Variants in UMAD1 observed in about 807,000 individuals in gnomAD.
UMAD1 encodes UBAP1-MVB12-associated (UMA)-domain containing protein 1.
A neutral mutation model predicts 6.1 loss-of-function variants in UMAD1; 8 were observed. The observed-to-expected ratio is 1.30, with a 90% CI of 0.76 to 2.35. UMAD1 has a LOEUF of 2.35. Among genes scored for constraint, UMAD1 ranks in the 30% most tolerant of loss-of-function variants. The pLI, the probability that UMAD1 is intolerant of heterozygous loss-of-function variation, is 0.00. For synonymous variants in UMAD1, 56 were observed against 31.4 expected (o/e 1.78, Z -2.61); for missense variants, 130 against 78.4 (o/e 1.66, Z -2.49).
At chr7:7,754,276 C>T (rs1428451305) in intron 2 of UMAD1, among the ~76,000 whole-genome samples, 1 of 152,108 alleles carries the variant, frequency 6.6e-6, no homozygotes, top group Non-Finnish European at 1.5e-5. Context: ...TTGTAATTGC[C>T]TGTCTTGTGA....
At chr7:7,855,768 TG>T (rs1238046462) in intron 3 of UMAD1, among the ~76,000 whole-genome samples, 7 of 152,220 alleles carry the variant, frequency 4.6e-5, no homozygotes, top group Non-Finnish European at 1.0e-4. Flanking sequence ...CTCCAGAAAA[TG>T]GGTTTTTATT....
chr7:7,664,189 T>C (rs1779371664), intron 1 of UMAD1, among the ~76,000 whole-genome samples: 1 of 152,208 alleles, frequency 6.6e-6, no homozygotes, highest in African/African-American at 2.4e-5. Context: ...TTTCTTCTCT[T>C]AAGATAAAGT....
At chr7:7,834,270 G>A (rs992927231) in intron 3 of UMAD1, among the ~76,000 whole-genome samples, 1 of 151,866 alleles carries the variant, frequency 6.6e-6, no homozygotes, top group Non-Finnish European at 1.5e-5. Context: ...TGATCCACCC[G>A]CCTCAGCCTC....
At chr7:7,845,326 T>G (rs974567090) in intron 3 of UMAD1, among the ~76,000 whole-genome samples, 2 of 152,104 alleles carry the variant, frequency 1.3e-5, no homozygotes, top group African/African-American at 2.4e-5. Context: ...TAGTTCTTAT[T>G]AATTTCTATT....
intron 2 of UMAD1, among the ~76,000 whole-genome samples, chr7:7,770,262 C>A (rs1782073971): frequency 6.6e-6 from 1 of 152,108 alleles, no homozygotes; most frequent in African/African-American, 2.4e-5. Flanking sequence ...TTTCTTTCTC[C>A]CCCAGAGGCA....
chr7:7,664,699 A>G (rs914084474), intron 1 of UMAD1, among the ~76,000 whole-genome samples: 8 of 152,178 alleles, frequency 5.3e-5, no homozygotes, highest in African/African-American at 1.7e-4. Flanking sequence ...GCAGCCTACC[A>G]GAGTTCTAAT....
intron 2 of UMAD1, among the ~76,000 whole-genome samples, chr7:7,710,441 A>G (rs963418146): frequency 8.5e-5 from 13 of 152,212 alleles, no homozygotes; most frequent in Admixed American, 1.3e-4. Context: ...AAGAGGATAT[A>G]CATATGGCAA....
chr7:7,671,155 C>T (rs894962403), intron 1 of UMAD1, among the ~76,000 whole-genome samples: 2 of 152,188 alleles, frequency 1.3e-5, no homozygotes, highest in Non-Finnish European at 2.9e-5. Context: ...TTTTGCAGTA[C>T]AACTCTCAAA....
At chr7:7,641,895 T>C (rs1784981988) in intron 1 of UMAD1, among the ~76,000 whole-genome samples, 1 of 152,352 alleles carries the variant, frequency 6.6e-6, no homozygotes, top group African/African-American at 2.4e-5. Flanking sequence ...ATAGTCTCCC[T>C]TAGTGTTTCC....
chr7:7,642,837 TGTTAAGCTTCCTAA>T (rs1435663252), intron 1 of UMAD1, among the ~76,000 whole-genome samples: 2 of 152,208 alleles, frequency 1.3e-5, no homozygotes, highest in Non-Finnish European at 2.9e-5. Flanking sequence ...TTGAAATTTG[TGTTAAGCTTCCTAA>T]GCTTTTCTAG....
intron 2 of UMAD1, among the ~76,000 whole-genome samples, chr7:7,733,385 A>G (rs1781293366): frequency 6.6e-6 from 1 of 152,014 alleles, no homozygotes; most frequent in Non-Finnish European, 1.5e-5. Flanking sequence ...CTTCAATGAC[A>G]TGACAGTTGC....
At chr7:7,824,375 T>C (rs1053911664) in intron 3 of UMAD1, among the ~76,000 whole-genome samples, 1 of 152,174 alleles carries the variant, frequency 6.6e-6, no homozygotes, top group Non-Finnish European at 1.5e-5. Flanking sequence ...GCTACAGCAA[T>C]AACAAATATT....
chr7:7,866,725 G>T (rs917454025), intron 3 of UMAD1, among the ~76,000 whole-genome samples: 15 of 152,178 alleles, frequency 9.9e-5, no homozygotes, highest in African/African-American at 3.1e-4. Context: ...AATTGGAGGG[G>T]TAAGCAAGGC....
At chr7:7,717,272 G>C (rs1780939785) in intron 2 of UMAD1, among the ~76,000 whole-genome samples, 1 of 152,002 alleles carries the variant, frequency 6.6e-6, no homozygotes, top group African/African-American at 2.4e-5. Flanking sequence ...GGCCTGGCTG[G>C]TCTCGAACTC....
intron 2 of UMAD1, among the ~76,000 whole-genome samples, chr7:7,693,961 T>A (rs1583744656): frequency 6.6e-6 from 1 of 152,286 alleles, no homozygotes; most frequent in South Asian, 2.1e-4. Context: ...AGATCTCTCT[T>A]TTTGTTGCCA....
At chr7:7,654,698 T>C (rs2115079858) in intron 1 of UMAD1, among the ~76,000 whole-genome samples, 1 of 152,090 alleles carries the variant, frequency 6.6e-6, no homozygotes, top group African/African-American at 2.4e-5. Context: ...AGGCTAGGAG[T>C]TCGAGACCAG....
At chr7:7,731,715 G>A (rs892618677) in intron 2 of UMAD1, among the ~76,000 whole-genome samples, 1 of 152,182 alleles carries the variant, frequency 6.6e-6, no homozygotes, top group African/African-American at 2.4e-5. Context: ...CTTCTATGGA[G>A]TGTAACGCTA....
intron 2 of UMAD1, chr7:7,676,287 AG>A (rs1408769358): frequency 2.5e-6 from 1 of 396,610 alleles, no homozygotes; most frequent in Non-Finnish European, 4.4e-6. Context: ...GAAGTTATTG[AG>A]GGGAATAAAT....
chr7:7,797,920 C>G (rs970411221), intron 2 of UMAD1, among the ~76,000 whole-genome samples: 1 of 152,186 alleles, frequency 6.6e-6, no homozygotes, highest in Non-Finnish European at 1.5e-5. Context: ...TTCCAGACCT[C>G]AAGTGATCCA....
Sources: allele counts gnomAD v4.1 joint callset (sites outside exome capture counted in the v4.1 genomes callset), GRCh38; gene constraint gnomAD v4.1.1; transcripts MANE v1.5; gene names NCBI Gene and HGNC (gene_info 2026-07-23, HGNC 2026-07-21).